The following DCDC2 variants were observed in gnomAD, a reference collection of about 807,000 sequenced individuals.
DCDC2 encodes the protein doublecortin domain containing 2.
Under a neutral mutation model 50.2 loss-of-function variants are expected in DCDC2, and 40 were observed. The observed-to-expected ratio is 0.80, with a 90% confidence interval of 0.62 to 1.04. The LOEUF (loss-of-function observed/expected upper bound fraction) is 1.04, where lower values mean the gene tolerates loss of function less well. Among genes scored for constraint, DCDC2 ranks in the 50% least tolerant of loss-of-function variants. The probability of loss-of-function intolerance (pLI) is 0.00; values close to 1 mark genes in which losing one functional copy is unlikely to be tolerated. For missense variants in DCDC2, 570 were observed against 581.9 expected, an observed-to-expected ratio of 0.98 and a Z score of 0.21; for synonymous variants, 234 against 210.6, an observed-to-expected ratio of 1.11 and a Z score of -0.96.
chr6:24,296,619 GA>G (rs950594643), intron 4 of DCDC2, among the ~76,000 whole-genome samples: 2 of 151,036 alleles, frequency 1.3e-5, no homozygotes, highest in African/African-American at 4.9e-5. Context: ...AAACTTACAA[GA>G]AAAAAAACAA....
intron 8 of DCDC2, among the ~76,000 whole-genome samples, chr6:24,179,403 CT>C (rs1167348373): frequency 6.7e-6 from 1 of 150,240 alleles, no homozygotes; most frequent in Admixed American, 6.6e-5. Flanking sequence ...AAAAAATTAG[CT>C]GGGCATGGTG....
intron 7 of DCDC2, among the ~76,000 whole-genome samples, chr6:24,265,865 AC>A (rs1392745719): frequency 6.6e-6 from 1 of 152,058 alleles, no homozygotes; most frequent in Non-Finnish European, 1.5e-5. Flanking sequence ...GCAAGAGCAA[AC>A]CCAATCCAAA....
At chr6:24,311,174 C>T (rs953201926) in intron 2 of DCDC2, among the ~76,000 whole-genome samples, 1 of 152,204 alleles carries the variant, frequency 6.6e-6, no homozygotes, top group African/African-American at 2.4e-5. Context: ...GAGCTGACCC[C>T]ATCCTACCAC....
At chr6:24,295,311 A>G (rs577100310) in intron 4 of DCDC2, among the ~76,000 whole-genome samples, 1 of 152,222 alleles carries the variant, frequency 6.6e-6, no homozygotes, top group South Asian at 2.1e-4. Flanking sequence ...TAGGTATTGA[A>G]GGAACATAAA....
Position 24,173,827 on chromosome 6 carries a change from T to G in DCDC2, c.*903A>C. 6.6e-6 allele frequency: 1 copy of G among 152,184 alleles called. No individual in the cohort carries two copies. Among genetic ancestry groups the G allele is most frequent in the Non-Finnish European group, 1.5e-5 (1 of 68,032 alleles). The allele number at this position is 152,184 out of a possible 1,614,324, so 9.4% of individuals were successfully genotyped here. The stretch of plus-strand genomic sequence containing the variant: ...TCACAAACTCTTCATATAGTCTACT[T>G]TTTTCTTCCTAATACACTTTTATTT... On this transcript the variant is annotated 3_prime_UTR_variant, in exon 10 of 10. Coordinates refer to ENST00000378454, the MANE Select transcript of DCDC2 (RefSeq NM_016356.5).
At chr6:24,376,529 G>A in the DCDC2 span, among the ~76,000 whole-genome samples, 1 of 152,144 alleles carries the variant, frequency 6.6e-6, no homozygotes, top group Non-Finnish European at 1.5e-5. Flanking sequence ...GAGGAACATG[G>A]AGAAGCAGTA....
upstream of DCDC2, among the ~76,000 whole-genome samples, chr6:24,361,582 T>A (rs867947093): frequency 1.3e-5 from 2 of 152,110 alleles, no homozygotes; most frequent in African/African-American, 4.8e-5. Context: ...TGCTACCACA[T>A]AGGTGAGTAA....
At chr6:24,223,825 T>C (rs1277552350) in intron 7 of DCDC2, among the ~76,000 whole-genome samples, 1 of 152,234 alleles carries the variant, frequency 6.6e-6, no homozygotes, top group African/African-American at 2.4e-5. Flanking sequence ...CAAAGAAAAG[T>C]ACAATTGATG....
At chr6:24,244,418 G>A (rs1330527773) in intron 7 of DCDC2, among the ~76,000 whole-genome samples, 1 of 152,184 alleles carries the variant, frequency 6.6e-6, no homozygotes, top group African/African-American at 2.4e-5. Context: ...ACCTGAGATG[G>A]GTAGAAATCA....
the DCDC2 span, among the ~76,000 whole-genome samples, chr6:24,372,938 G>GA: frequency 4.0e-5 from 6 of 151,848 alleles, no homozygotes; most frequent in African/African-American, 9.7e-5. Context: ...ACAAAAAAAA[G>GA]AAAAAAACAT....
chr6:24,290,231 G>T (rs1047760999), intron 5 of DCDC2, among the ~76,000 whole-genome samples: 5 of 151,338 alleles, frequency 3.3e-5, no homozygotes, highest in African/African-American at 1.2e-4. Flanking sequence ...CTGACCTCGT[G>T]ATCCGCCCGC....
At chr6:24,355,453 T>C (rs1242403069) in intron 1 of DCDC2, among the ~76,000 whole-genome samples, 7 of 152,214 alleles carry the variant, frequency 4.6e-5, no homozygotes. Flanking sequence ...GAACTGGTCA[T>C]AGAGGTGTCT....
chr6:24,259,524 A>C (rs751882391), intron 7 of DCDC2, among the ~76,000 whole-genome samples: 3 of 152,158 alleles, frequency 2.0e-5, no homozygotes, highest in Non-Finnish European at 4.4e-5. Flanking sequence ...CAAAAACAGC[A>C]ATTCTCTATT....
At chr6:24,333,985 G>A (rs1760012510) in intron 2 of DCDC2, among the ~76,000 whole-genome samples, 1 of 152,172 alleles carries the variant, frequency 6.6e-6, no homozygotes, top group African/African-American at 2.4e-5. Flanking sequence ...GTGAAGAGAG[G>A]AGAAGGAACA....
intron 2 of DCDC2, chr6:24,353,243 A>C (rs138096873): frequency 8.4e-6 from 4 of 474,058 alleles, no homozygotes; most frequent in African/African-American, 7.9e-5. Context: ...GCTTTGGTAA[A>C]GATTTATTTA....
At chr6:24,213,191 G>C (rs1761908308) in intron 7 of DCDC2, among the ~76,000 whole-genome samples, 1 of 152,122 alleles carries the variant, frequency 6.6e-6, no homozygotes, top group Non-Finnish European at 1.5e-5. Context: ...GTTTGAAACT[G>C]ATTGAGATTT....
intron 8 of DCDC2, among the ~76,000 whole-genome samples, chr6:24,191,355 G>C (rs1331422835): frequency 6.6e-6 from 1 of 152,154 alleles, no homozygotes; most frequent in Non-Finnish European, 1.5e-5. Flanking sequence ...TAGGGCAACA[G>C]GCATATTTGG....
chr6:24,255,001 T>G (rs925244991), intron 7 of DCDC2, among the ~76,000 whole-genome samples: 1 of 151,886 alleles, frequency 6.6e-6, no homozygotes, highest in African/African-American at 2.4e-5. Context: ...AGGACCAGAA[T>G]AAAGAAAGAA....
rs570699983 is a variant in DCDC2, at chr6:24,256,528, G to A, written c.922+21521C>T. On this transcript the variant is annotated intron_variant, in intron 7 of 9. Coordinates refer to ENST00000378454, the MANE Select transcript of DCDC2 (RefSeq NM_016356.5). Reference sequence around the variant, plus strand: ...TGTGTGTCCGTGTAAACAGCTGGATGCTCAGATGAGAAGACTCTCCAAATG... The same window carrying A: ...TGTGTGTCCGTGTAAACAGCTGGATACTCAGATGAGAAGACTCTCCAAATG... 4.6e-5 allele frequency among the ~76,000 whole-genome samples: 7 copies of A among 152,148 alleles called. No homozygotes were observed. The East Asian group carries it at 1.4e-3, about 29-fold the overall frequency.
Sources: allele counts gnomAD v4.1 joint callset (sites outside exome capture counted in the v4.1 genomes callset), GRCh38; gene constraint gnomAD v4.1.1; transcripts MANE v1.5; gene names NCBI Gene and HGNC (gene_info 2026-07-23, HGNC 2026-07-21).